PCSK6: variants seen among roughly 807,000 people sequenced by gnomAD.
PCSK6 encodes the protein proprotein convertase subtilisin/kexin type 6.
PCSK6 carries 85 observed loss-of-function variants against 123.3 expected under a neutral mutation model. That is an observed-to-expected ratio of 0.69 (90% CI 0.58 to 0.83). The LOEUF (loss-of-function observed/expected upper bound fraction) is 0.83. Among genes scored for constraint, PCSK6 ranks in the 40% least tolerant of loss-of-function variants. The pLI is 0.00. For synonymous variants in PCSK6, 508 were observed against 516.0 expected (o/e 0.98, Z 0.21); for missense variants, 1,191 against 1,282.3 (o/e 0.93, Z 1.09).
intron 18 of PCSK6, among the ~76,000 whole-genome samples, chr15:101,320,964 G>A (rs964100192): frequency 2.0e-5 from 3 of 152,190 alleles, no homozygotes; most frequent in African/African-American, 7.2e-5. Flanking sequence ...TTGAGTATCC[G>A]ATTTCCCTCT....
chr15:101,487,590 T>C (rs56240103), intron 1 of PCSK6, among the ~76,000 whole-genome samples: 34,567 of 152,104 alleles, frequency 0.23, 4,038 homozygotes, highest in Middle Eastern at 0.29. Flanking sequence ...CACAGCTCAA[T>C]TTCAGCTCCA....
chr15:101,330,233 G>C (rs116961872), intron 15 of PCSK6, among the ~76,000 whole-genome samples: 1,684 of 152,270 alleles, frequency 0.011, 14 homozygotes, highest in Middle Eastern at 0.054. Context: ...CCTCTCCAGG[G>C]ACCATCTTGC....
At chr15:101,396,130 A>G (rs2042405172) in intron 7 of PCSK6, among the ~76,000 whole-genome samples, 1 of 152,162 alleles carries the variant, frequency 6.6e-6, no homozygotes, top group South Asian at 2.1e-4. Context: ...TCTCTGTATG[A>G]CATATTTTAC....
At chr15:101,368,698 G>A (rs2141461153) in intron 12 of PCSK6, among the ~76,000 whole-genome samples, 1 of 152,292 alleles carries the variant, frequency 6.6e-6, no homozygotes. Flanking sequence ...AGTGAACGGA[G>A]AGCCCGTTGC....
intron 20 of PCSK6, chr15:101,313,100 G>A (rs769212428): frequency 3.0e-5 from 42 of 1,386,602 alleles, no homozygotes; most frequent in Non-Finnish European, 3.5e-5. Context: ...GACGTCCCGC[G>A]TAGTCCACCA....
chr15:101,337,404 G>C, intron 13 of PCSK6: 1 of 151,928 alleles, frequency 6.6e-6, no homozygotes, highest in Admixed American at 6.6e-5. Context: ...CCATACCTAT[G>C]GCATAAAGTG....
intron 8 of PCSK6, 26 bp from the exon 9 acceptor site, chr15:101,389,590 G>GCCTGTCTGCCATCACTGCCT: frequency 6.4e-7 from 1 of 1,555,786 alleles, no homozygotes; most frequent in Non-Finnish European, 8.8e-7. Flanking sequence ...GCACAGTGAG[G>GCCTGTCTGCCATCACTGCCT]CAGTGATGGC....
chr15:101,384,570 T>A (rs916888157), intron 9 of PCSK6, 145 bp from the exon 10 acceptor site: 42 of 543,654 alleles, frequency 7.7e-5, no homozygotes, highest in Non-Finnish European at 7.9e-5. Context: ...TTGGCAAGGG[T>A]TTATTTCACC....
At chr15:101,313,789 A>T in intron 19 of PCSK6, 1 of 378,278 alleles carries the variant, frequency 2.6e-6, no homozygotes, top group Non-Finnish European at 4.8e-6. Context: ...CCCTGTTTCC[A>T]ACAGGCCTAG....
chr15:101,432,492 G>T (rs563747440), intron 2 of PCSK6, among the ~76,000 whole-genome samples: 1 of 150,342 alleles, frequency 6.7e-6, no homozygotes, highest in South Asian at 2.1e-4. Flanking sequence ...AGCTGGGCAT[G>T]ATGGCGCATG....
intron 8 of PCSK6, among the ~76,000 whole-genome samples, chr15:101,392,489 T>C (rs971000521): frequency 6.6e-6 from 1 of 152,142 alleles, no homozygotes; most frequent in Non-Finnish European, 1.5e-5. Flanking sequence ...AATTTAACCA[T>C]GTCTGGCCAG....
intron 18 of PCSK6, among the ~76,000 whole-genome samples, chr15:101,318,684 T>G (rs1270498662): frequency 6.6e-6 from 1 of 152,226 alleles, no homozygotes; most frequent in Non-Finnish European, 1.5e-5. Flanking sequence ...CAGTGATAGC[T>G]TTTTCTTACT....
chr15:101,386,306 G>A (rs2042062901), intron 9 of PCSK6, among the ~76,000 whole-genome samples: 1 of 152,166 alleles, frequency 6.6e-6, no homozygotes, highest in Admixed American at 6.5e-5. Flanking sequence ...GGCACCTGCT[G>A]GGATGTCACA....
At chr15:101,332,075 C>A (rs374286472) in intron 13 of PCSK6, 44 bp from the exon 14 acceptor site, 6 of 1,522,602 alleles carry the variant, frequency 3.9e-6, no homozygotes, top group Middle Eastern at 1.7e-4. Context: ...TGTGCCAAGA[C>A]CTCTGTCACT....
chr15:101,458,765 G>C (rs1357333125), intron 1 of PCSK6, among the ~76,000 whole-genome samples: 1 of 152,110 alleles, frequency 6.6e-6, no homozygotes, highest in African/African-American at 2.4e-5. Context: ...CACGCTCTCT[G>C]CGACGCGTCT....
At position 101,370,419 on chromosome 15, in the gene PCSK6, G is replaced by T; in HGVS notation, c.1637C>A (p.Thr546Asn). Residue 546 changes from threonine (T) to asparagine (N), a missense_variant, in exon 12 of 22, where the codon ACC becomes AAC. Transcript: ENST00000611716. Reference sequence around the variant, plus strand: ...TCCTCGGCGTGGGTGTGAGATGGAGGTGCGAACCACCACGTGCTCCAAGTA... The same window carrying T: ...TCCTCGGCGTGGGTGTGAGATGGAGTTGCGAACCACCACGTGCTCCAAGTA... ...VVYLEHVVVR[T>N]SISHPRRGDL... The T allele has an allele frequency of 6.4e-7, 1 of 1,552,496 alleles. No individual in the cohort carries two copies. The highest frequency in any genetic ancestry group is 1.2e-5 in the South Asian group (1 of 84,072).
intron 1 of PCSK6, among the ~76,000 whole-genome samples, chr15:101,487,775 A>G (rs577879328): frequency 6.6e-6 from 1 of 152,318 alleles, no homozygotes; most frequent in Admixed American, 6.5e-5. Flanking sequence ...CAGCCTGGAC[A>G]ATCAGCCAGG....
intron 6 of PCSK6, among the ~76,000 whole-genome samples, chr15:101,426,752 C>A (rs1455114658): frequency 8.7e-6 from 1 of 114,464 alleles, no homozygotes; most frequent in Non-Finnish European, 2.1e-5. Flanking sequence ...GCTGCAGCCA[C>A]CCTCACCAAG....
intron 1 of PCSK6, among the ~76,000 whole-genome samples, chr15:101,463,527 G>GT (rs148152413): frequency 1.5e-3 from 234 of 152,234 alleles, no homozygotes; most frequent in Non-Finnish European, 2.8e-3. Context: ...ACTATGTGCC[G>GT]TATCTTTCCT....
Sources: allele counts gnomAD v4.1 joint callset (sites outside exome capture counted in the v4.1 genomes callset), GRCh38; gene constraint gnomAD v4.1.1; transcripts MANE v1.5; gene names NCBI Gene and HGNC (gene_info 2026-07-23, HGNC 2026-07-21).